FARS2: variants seen among roughly 807,000 people sequenced by gnomAD.
FARS2 encodes the protein phenylalanyl-tRNA synthetase 2, mitochondrial.
In FARS2, 40 loss-of-function variants were observed where a neutral mutation model predicts 46.4. The observed-to-expected ratio is 0.86, with a 90% CI of 0.67 to 1.12. The LOEUF (loss-of-function observed/expected upper bound fraction) is 1.12. FARS2 is among the 50% of genes most tolerant of loss of function. FARS2 has a pLI of 0.00. For synonymous variants in FARS2, 234 were observed against 214.9 expected, an observed-to-expected ratio of 1.09 and a Z score of -0.78; for missense variants, 513 against 567.9, an observed-to-expected ratio of 0.90 and a Z score of 0.98.
At chr6:5,388,789 G>C (rs907458438) in intron 2 of FARS2, among the ~76,000 whole-genome samples, 2 of 151,972 alleles carry the variant, frequency 1.3e-5, no homozygotes, top group African/African-American at 4.8e-5. Context: ...TAATGGATCT[G>C]TATTTTCTCC....
intron 6 of FARS2, among the ~76,000 whole-genome samples, chr6:5,669,832 G>A (rs1242055885): frequency 6.6e-6 from 1 of 152,174 alleles, no homozygotes; most frequent in Non-Finnish European, 1.5e-5. Context: ...AGGAGCTGGT[G>A]AAGGAGAAGA....
At chr6:5,279,466 T>G (rs916425408) in intron 1 of FARS2, among the ~76,000 whole-genome samples, 2 of 149,922 alleles carry the variant, frequency 1.3e-5, no homozygotes, top group Non-Finnish European at 3.0e-5. Flanking sequence ...GAATGACAAG[T>G]GTATATAAAT....
At chr6:5,305,452 A>G (rs772266739) in intron 1 of FARS2, among the ~76,000 whole-genome samples, 2 of 152,172 alleles carry the variant, frequency 1.3e-5, no homozygotes, top group Non-Finnish European at 2.9e-5. Flanking sequence ...GCCTGCCCAC[A>G]TGTGAAACCT....
At chr6:5,306,241 C>T (rs1329139287) in intron 1 of FARS2, among the ~76,000 whole-genome samples, 1 of 152,130 alleles carries the variant, frequency 6.6e-6, no homozygotes, top group Non-Finnish European at 1.5e-5. Flanking sequence ...CTGATGAGCA[C>T]ATTTGGTTGT....
chr6:5,409,644 T>C (rs1332777756), intron 3 of FARS2, among the ~76,000 whole-genome samples: 3 of 152,230 alleles, frequency 2.0e-5, no homozygotes, highest in Admixed American at 6.5e-5. Flanking sequence ...GGCAGAATTA[T>C]GGAATGGAAT....
intron 1 of FARS2, among the ~76,000 whole-genome samples, chr6:5,288,215 G>T (rs1767260686): frequency 6.6e-6 from 1 of 152,144 alleles, no homozygotes; most frequent in Non-Finnish European, 1.5e-5. Flanking sequence ...CCAACCATCT[G>T]CCCTGAGATC....
intron 4 of FARS2, among the ~76,000 whole-genome samples, chr6:5,494,882 C>T (rs973537756): frequency 6.6e-6 from 1 of 152,182 alleles, no homozygotes; most frequent in Admixed American, 6.5e-5. Flanking sequence ...GAGGAAAAAG[C>T]AATCGAAAAT....
chr6:5,644,491 G>A (rs754150104), intron 6 of FARS2, among the ~76,000 whole-genome samples: 3 of 152,070 alleles, frequency 2.0e-5, no homozygotes, highest in African/African-American at 7.2e-5. Flanking sequence ...GGGATTACAA[G>A]AGTCAGCCAC....
At chr6:5,692,865 C>G (rs1757846074) in intron 6 of FARS2, among the ~76,000 whole-genome samples, 1 of 152,154 alleles carries the variant, frequency 6.6e-6, no homozygotes, top group Non-Finnish European at 1.5e-5. Flanking sequence ...GGTGCTGTCA[C>G]CAAGCCCACC....
chr6:5,466,543 G>T (rs1319015657), intron 4 of FARS2: 1 of 985,234 alleles, frequency 1.0e-6, no homozygotes, highest in African/African-American at 1.7e-5. Flanking sequence ...AGTTTTGTTT[G>T]TTTGTTATTC....
At chr6:5,280,466 C>T (rs1358600960) in intron 1 of FARS2, among the ~76,000 whole-genome samples, 1 of 152,120 alleles carries the variant, frequency 6.6e-6, no homozygotes, top group Non-Finnish European at 1.5e-5. Context: ...TCTAACTTCG[C>T]CATTGGAATA....
At chr6:5,700,894 C>T (rs1490903490) in intron 6 of FARS2, among the ~76,000 whole-genome samples, 4 of 152,348 alleles carry the variant, frequency 2.6e-5, no homozygotes, top group African/African-American at 9.6e-5. Flanking sequence ...TCTGTCACTA[C>T]AGCACCTATT....
chr6:5,630,164 C>T lies in FARS2; in HGVS notation c.1217+16844C>T, dbSNP rs1776233589. ...GGTGAAGAGCAAGGTGAGGAAAGGA[C>T]CCGAGGGAACACCAAGGTTTAAAGG... On this transcript the variant is annotated intron_variant, in intron 6 of 6. Transcript: ENST00000274680. This position sits in a 1 kb window ranked among gnomAD's most constrained non-coding sequence, Gnocchi z 4.2. Among the ~76,000 whole-genome samples the T allele has an allele frequency of 1.3e-5, 2 of 151,964 alleles. No homozygotes were observed.
chr6:5,255,438 C>T, the FARS2 span, among the ~76,000 whole-genome samples: 1 of 152,072 alleles, frequency 6.6e-6, no homozygotes, highest in Non-Finnish European at 1.5e-5. Context: ...AATGGTTATT[C>T]TTCATAAAAG....
intron 6 of FARS2, among the ~76,000 whole-genome samples, chr6:5,650,801 C>G (rs1171786685): frequency 1.3e-5 from 2 of 152,178 alleles, no homozygotes; most frequent in Admixed American, 1.3e-4. Flanking sequence ...TTCCAATAAA[C>G]AATTCCTACT....
chr6:5,597,463 C>A (rs900643597), intron 5 of FARS2, among the ~76,000 whole-genome samples: 14 of 152,194 alleles, frequency 9.2e-5, no homozygotes, highest in Non-Finnish European at 5.9e-5. Context: ...GCTGAAGCAG[C>A]CATTGCAGGC....
Position 5,575,062 on chromosome 6 carries a change from G to A in FARS2, c.1065+29722G>A, listed in dbSNP as rs372159331. ...ATTAACATTGAACTCTTGACCAATCGCACTATAACTCAAACATGAGTATTT... is the reference window on the plus strand; with the variant it reads ...ATTAACATTGAACTCTTGACCAATCACACTATAACTCAAACATGAGTATTT... On this transcript the variant is annotated intron_variant, in intron 5 of 6. Transcript: ENST00000274680. Among the ~76,000 whole-genome samples, 70 of 152,190 alleles carry A rather than the reference G, an allele frequency of 4.6e-4. 1 individual carries two copies. Among genetic ancestry groups the A allele is most frequent in the African/African-American group, 1.4e-3 (60 of 41,512 alleles).
intron 4 of FARS2, among the ~76,000 whole-genome samples, chr6:5,477,565 C>CA (rs1450979283): frequency 6.6e-6 from 1 of 152,256 alleles, no homozygotes; most frequent in Non-Finnish European, 1.5e-5. Flanking sequence ...GCTCTGAAGT[C>CA]AGACTGCCTG....
chr6:5,769,498 C>T (rs1762920566), intron 6 of FARS2, among the ~76,000 whole-genome samples: 1 of 152,238 alleles, frequency 6.6e-6, no homozygotes. Flanking sequence ...GGAGAAAAGA[C>T]CACTCTACTT....
Sources: allele counts gnomAD v4.1 joint callset (sites outside exome capture counted in the v4.1 genomes callset), GRCh38; gene constraint gnomAD v4.1.1; non-coding constraint Gnocchi (gnomAD v3.1); transcripts MANE v1.5; gene names NCBI Gene and HGNC (gene_info 2026-07-23, HGNC 2026-07-21).